The following ARSD variants were observed in gnomAD, a reference collection of about 807,000 sequenced individuals.
ARSD encodes the protein testis tissue sperm-binding protein Li 39a.
ARSD carries 21 observed loss-of-function variants against 32.6 expected under a neutral mutation model. The ratio of observed to expected loss-of-function variants is 0.64; its 90% confidence interval spans 0.46 to 0.93. ARSD has a LOEUF of 0.93. Among genes scored for constraint, ARSD ranks in the 40% least tolerant of loss-of-function variants. ARSD has a pLI of 0.00. For synonymous variants in ARSD, 224 were observed against 237.4 expected, an observed-to-expected ratio of 0.94 and a Z score of 0.52; for missense variants, 454 against 520.9, an observed-to-expected ratio of 0.87 and a Z score of 1.25.
At chrX:2,912,518 GC>G (rs2088910777) in intron 6 of ARSD, among the ~76,000 whole-genome samples, 1 of 111,275 alleles carries the variant, frequency 9.0e-6, no homozygotes, top group Non-Finnish European at 1.9e-5. Context: ...TGTGTCACAG[GC>G]CACTTGTCAC....
chrX:2,920,561 C>T, intron 4 of ARSD, 40 bp downstream of exon 4: 1 of 1,209,811 alleles, frequency 8.3e-7, no homozygotes, highest in Non-Finnish European at 1.1e-6. Flanking sequence ...CACGAATATT[C>T]CCAACCACCG....
intron 6 of ARSD, 100 bp from the exon 7 acceptor site, chrX:2,910,893 A>C: frequency 1.0e-6 from 1 of 986,057 alleles, no homozygotes; most frequent in South Asian, 2.3e-5. Flanking sequence ...CTTGCCAGGA[A>C]GTCATAAGAA....
chrX:2,912,959 A>G (rs970694000), intron 6 of ARSD, among the ~76,000 whole-genome samples: 4 of 112,427 alleles, frequency 3.6e-5, no homozygotes, highest in African/African-American at 1.3e-4. Context: ...CTGTAAACTG[A>G]AAAGTATCTG....
At chrX:2,922,834 C>T (rs2089041286) in intron 2 of ARSD, among the ~76,000 whole-genome samples, 1 of 59,388 alleles carries the variant, frequency 1.7e-5, no homozygotes, top group Admixed American at 2.9e-4. Context: ...CAGAGTGAGA[C>T]CGTGTCTCAA....
rs768109499 is a variant in ARSD, at chrX:2,908,116, CTATT to C, written c.1421-488_1421-485del. Reference sequence around the variant, plus strand: ...ATCGATCTCATCTATCTACCATTATCTATTTATCTATCGATCATCTATCTACCTA... The same window carrying C: ...ATCGATCTCATCTATCTACCATTATCTATCTATCGATCATCTATCTACCTA... On this transcript the variant is annotated intron_variant, in intron 9 of 9. Transcript: ENST00000381154. 1.1e-3 allele frequency: 248 copies of C among 230,174 alleles called. 4 individuals carry two copies. Among genetic ancestry groups the C allele is most frequent in the African/African-American group, 6.8e-3 (222 of 32,686 alleles). The allele number at this position is 230,174 out of a possible 1,213,427, so 19.0% of individuals were successfully genotyped here.
Position 2,918,121 on chromosome X carries a change from G to C in ARSD, c.546C>G (p.Asn182Lys). The C allele has an allele frequency of 8.3e-7, 1 of 1,201,855 alleles. No homozygotes were observed. The highest frequency in any genetic ancestry group is 1.1e-6 in the Non-Finnish European group (1 of 890,200). ...CGGGGGGCCTGCCTGGGTCACAGTC[G>C]TTTGTGAGCGTGAAGGGCATGCCGT... is the stretch of plus-strand genomic sequence containing the variant. ...YFYGMPFTLT[N>K]DCDPGRPPEV... The change falls in exon 5 of 10, where the codon AAC becomes AAG. Residue 182 changes from asparagine (N) to lysine (K), a missense_variant. Asn to Lys is a moderately conservative substitution (Grantham distance 94). Around this residue, in one of 3 missense-constraint regions of ARSD, gnomAD observed 271 missense variants for 301.0 expected, o/e 0.90. Coordinates refer to ENST00000381154, the MANE Select transcript of ARSD (RefSeq NM_001669.4).
intron 6 of ARSD, among the ~76,000 whole-genome samples, chrX:2,915,015 C>T (rs1268562374): frequency 9.0e-6 from 1 of 111,716 alleles, no homozygotes; most frequent in Non-Finnish European, 1.9e-5. Context: ...CCTGGGACTA[C>T]AGGCGTGTAC....
At chrX:2,924,844 T>C (rs1487218994) in intron 2 of ARSD, among the ~76,000 whole-genome samples, 1 of 111,408 alleles carries the variant, frequency 9.0e-6, no homozygotes, top group Non-Finnish European at 1.9e-5. Flanking sequence ...TGGAGTGATG[T>C]GGCCACAAAG....
At chrX:2,917,118 G>A (rs1173732147) in intron 5 of ARSD, among the ~76,000 whole-genome samples, 1 of 108,871 alleles carries the variant, frequency 9.2e-6, no homozygotes, top group Non-Finnish European at 1.9e-5. Context: ...AGGCACAGTG[G>A]CTCACTTCTG....
intron 3 of ARSD, among the ~76,000 whole-genome samples, chrX:2,921,266 CATCT>C (rs1313127780): frequency 1.8e-5 from 2 of 111,872 alleles, no homozygotes; most frequent in African/African-American, 3.3e-5. Context: ...TATATCTATC[CATCT>C]ATCTATGTAT....
intron 5 of ARSD, among the ~76,000 whole-genome samples, chrX:2,916,552 A>G (rs2088963070): frequency 8.9e-6 from 1 of 111,918 alleles, no homozygotes; most frequent in African/African-American, 3.3e-5. Context: ...TCAGCCATCA[A>G]AAAGAATGAA....
Position 2,909,905 on chromosome X carries a change from C to A in ARSD, c.1210G>T (p.Ala404Ser). ...GIFHWPGVLP[A>S]GRVIGEPTSL... ...GTGGGCTCTCCAATCACTCGGCCGG[C>A]CGGGAGCACCCCCGGCCAGTGGAAG... is the stretch of plus-strand genomic sequence containing the variant. Residue 404 changes from alanine (A) to serine (S), a missense_variant, in exon 8 of 10, where the codon GCC (alanine) becomes TCC (serine). By Grantham distance (99) the Ala-to-Ser change is moderately conservative. Coordinates refer to ENST00000381154, the MANE Select transcript of ARSD (RefSeq NM_001669.4). The A allele has an allele frequency of 2.5e-6, 3 of 1,210,916 alleles. No homozygotes were observed. Among genetic ancestry groups the A allele is most frequent in the Non-Finnish European group, 3.4e-6 (3 of 895,336 alleles).
Position 2,907,340 on chromosome X carries a change from C to T in ARSD, c.1713G>A (p.Pro571=), listed in dbSNP as rs778619519. The T allele has an allele frequency of 7.4e-6, 9 of 1,210,739 alleles. No homozygotes were observed. Among genetic ancestry groups the T allele is most frequent in the South Asian group, 1.8e-5 (1 of 56,833 alleles). Residue 571 remains proline, a synonymous_variant, in exon 10 of 10, where the codon CCG becomes CCA. Coordinates refer to ENST00000381154, the MANE Select transcript of ARSD (RefSeq NM_001669.4). ...QFSMSNILWK[P]WLQPCCGHFP... ...AATGTCCGCAGCACGGCTGCAGCCA[C>T]GGCTTCCACAGGATGTTGCTCATGG...
chrX:2,921,410 G>C (rs1279904327), intron 3 of ARSD, among the ~76,000 whole-genome samples: 1 of 110,521 alleles, frequency 9.0e-6, no homozygotes, highest in East Asian at 2.8e-4. Context: ...CTCTTATCTA[G>C]CTATCTAGCT....
At position 2,913,475 on chromosome X, in the gene ARSD, G is replaced by A. The variant is rs945184305; in HGVS notation, c.1000+2081C>T. ...AGGGAATCCATTCAGATGGTTGTGG[G>A]GGGCCTTCGAATTTATTTTTGGTTT... On this transcript the variant is annotated intron_variant, in intron 6 of 9. Coordinates refer to ENST00000381154, the MANE Select transcript of ARSD (RefSeq NM_001669.4). The A allele has an allele frequency of 1.2e-4, 112 of 909,517 alleles. No individual in the cohort carries two copies. The East Asian group carries it at 1.9e-3, about 16-fold the overall frequency. The allele number at this position is 909,517 out of a possible 1,213,427, so 75.0% of individuals were successfully genotyped here. A position where few individuals can be genotyped will look rare whatever the true frequency, so the allele number is the denominator to read the frequency against.
chrX:2,911,505 C>A (rs2088900952), intron 6 of ARSD, among the ~76,000 whole-genome samples: 1 of 107,133 alleles, frequency 9.3e-6, no homozygotes, highest in Admixed American at 1.0e-4. Context: ...CCCGTCTCTA[C>A]TAAAAACACA....
At chrX:2,920,805 G>A (rs2089021818) in intron 3 of ARSD, 82 bp from the exon 4 acceptor site, 5 of 1,135,030 alleles carry the variant, frequency 4.4e-6, no homozygotes, top group Non-Finnish European at 2.4e-6. Flanking sequence ...TGGTGTCTGA[G>A]ATCTGGATTT....
intron 2 of ARSD, among the ~76,000 whole-genome samples, chrX:2,922,752 C>A (rs1403003800): frequency 1.0e-5 from 1 of 98,735 alleles, no homozygotes; most frequent in African/African-American, 3.9e-5. Flanking sequence ...ACAGGAGAAT[C>A]GCTTGAGCCC....
At chrX:2,917,720 C>G in intron 5 of ARSD, 84 bp downstream of exon 5, 2 of 1,006,753 alleles carry the variant, frequency 2.0e-6, no homozygotes, top group Non-Finnish European at 2.7e-6. Flanking sequence ...ATCCTCCCAT[C>G]TTGGCCTCCC....
Sources: gnomAD v4.1 joint callset for allele counts (sites outside exome capture counted in the v4.1 genomes callset) on GRCh38, gnomAD v4.1.1 for gene constraint, gnomAD v4.1.1 regional missense constraint, MANE v1.5 for transcripts, NCBI Gene and HGNC (gene_info 2026-07-23, HGNC 2026-07-21) for gene names.